Variants in VTI1A observed in about 807,000 individuals in gnomAD.
The protein encoded by VTI1A is vesicle transport through interaction with t-SNAREs homolog 1A.
VTI1A carries 22 observed loss-of-function variants against 34.9 expected under a neutral mutation model. That is an observed-to-expected ratio of 0.63 (90% confidence interval 0.45 to 0.90). The LOEUF (loss-of-function observed/expected upper bound fraction) is 0.90. Ranked by LOEUF, VTI1A falls within the 40% of genes least tolerant of loss-of-function variation. The pLI, the probability that VTI1A is intolerant of heterozygous loss-of-function variation, is 0.00. For missense variants in VTI1A, 268 were observed against 275.6 expected (o/e 0.97, Z 0.20); for synonymous variants, 87 against 97.3 (o/e 0.89, Z 0.62).
chr10:112,518,611 A>ATGTGTG (rs1365789222), intron 3 of VTI1A, among the ~76,000 whole-genome samples: 28 of 134,208 alleles, frequency 2.1e-4, no homozygotes, highest in African/African-American at 6.9e-4. Flanking sequence ...ATATATATAT[A>ATGTGTG]TGTGTGTGTG....
intron 7 of VTI1A, among the ~76,000 whole-genome samples, chr10:112,697,887 T>TGC (rs1848853553): frequency 6.6e-6 from 1 of 151,792 alleles, no homozygotes; most frequent in African/African-American, 2.4e-5. Flanking sequence ...TGTGTGTGTG[T>TGC]GTGTGTGTGT....
At chr10:112,813,048 A>G (rs559417721) in intron 7 of VTI1A, among the ~76,000 whole-genome samples, 2 of 152,272 alleles carry the variant, frequency 1.3e-5, no homozygotes, top group Admixed American at 6.5e-5. Context: ...CCTGTGTGCA[A>G]CGCGACTGTG....
At chr10:112,618,657 T>A (rs1423734158) in intron 5 of VTI1A, among the ~76,000 whole-genome samples, 4 of 151,496 alleles carry the variant, frequency 2.6e-5, no homozygotes, top group Non-Finnish European at 4.4e-5. Flanking sequence ...AGATGACTTT[T>A]GAGCCTGACC....
chr10:112,592,941 T>C (rs1037372427), intron 5 of VTI1A, among the ~76,000 whole-genome samples: 1 of 152,202 alleles, frequency 6.6e-6, no homozygotes, highest in Non-Finnish European at 1.5e-5. Flanking sequence ...GGAGCGTTTA[T>C]TGAATGCAGG....
At chr10:112,828,320 G>A in the VTI1A span, among the ~76,000 whole-genome samples, 3 of 151,892 alleles carry the variant, frequency 2.0e-5, no homozygotes, top group Admixed American at 6.6e-5. Flanking sequence ...GTTAGCGCAC[G>A]GTATGTGGAA....
intron 5 of VTI1A, among the ~76,000 whole-genome samples, chr10:112,543,234 A>G (rs1205249600): frequency 6.6e-6 from 1 of 152,140 alleles, no homozygotes; most frequent in Non-Finnish European, 1.5e-5. Context: ...CTAGTTCTAG[A>G]TCCTTGAGGA....
the VTI1A span, among the ~76,000 whole-genome samples, chr10:112,846,629 G>A: frequency 2.0e-5 from 3 of 152,142 alleles, no homozygotes; most frequent in African/African-American, 7.2e-5. Flanking sequence ...AGCTGGACAT[G>A]GTGGCGGGCA....
At chr10:112,550,489 T>C (rs1851308776) in intron 5 of VTI1A, among the ~76,000 whole-genome samples, 1 of 152,232 alleles carries the variant, frequency 6.6e-6, no homozygotes, top group Admixed American at 6.5e-5. Flanking sequence ...TTGATGGGCA[T>C]GAGCTTTAAA....
At chr10:112,708,148 T>C (rs1282945875) in intron 7 of VTI1A, among the ~76,000 whole-genome samples, 2 of 152,230 alleles carry the variant, frequency 1.3e-5, no homozygotes, top group Non-Finnish European at 2.9e-5. Context: ...GGGCCTGTCC[T>C]TCCACTGTGC....
At chr10:112,544,896 C>T (rs150735019) in intron 5 of VTI1A, among the ~76,000 whole-genome samples, 1 of 152,216 alleles carries the variant, frequency 6.6e-6, no homozygotes, top group African/African-American at 2.4e-5. Context: ...TCAAGTGGGG[C>T]AAGTTGTGTG....
At chr10:112,701,393 C>T (rs1590087961) in intron 7 of VTI1A, among the ~76,000 whole-genome samples, 1 of 152,294 alleles carries the variant, frequency 6.6e-6, no homozygotes, top group Admixed American at 6.5e-5. Context: ...TAGGGGGGCT[C>T]TTCATTCTGT....
chr10:112,785,609 G>A (rs1231688655), intron 7 of VTI1A, among the ~76,000 whole-genome samples: 1 of 151,994 alleles, frequency 6.6e-6, no homozygotes, highest in Non-Finnish European at 1.5e-5. Context: ...TTACTTCTAT[G>A]TTTTCTTCTA....
At chr10:112,491,210 G>T (rs996295427) in intron 3 of VTI1A, among the ~76,000 whole-genome samples, 1 of 152,214 alleles carries the variant, frequency 6.6e-6, no homozygotes, top group Non-Finnish European at 1.5e-5. Flanking sequence ...TTCAGTACCA[G>T]TTGATTAAAT....
chr10:112,753,744 T>A lies in VTI1A; in HGVS notation c.561-61546T>A, dbSNP rs1384181858. Among the ~76,000 whole-genome samples, 4 of 152,218 alleles carry A rather than the reference T, an allele frequency of 2.6e-5. No individual in the cohort carries two copies. In the South Asian group the frequency reaches 8.3e-4, roughly 31 times the overall value. On this transcript the variant is annotated intron_variant, in intron 7 of 7. Coordinates refer to ENST00000393077, the MANE Select transcript of VTI1A (RefSeq NM_145206.4). ...AGGAGCAGAGTATGATTATTTTTCG[T>A]GAATATATTCATATGAAAAGAATTT... is the stretch of plus-strand genomic sequence containing the variant.
At chr10:112,494,609 A>G (rs1214799411) in intron 3 of VTI1A, among the ~76,000 whole-genome samples, 1 of 152,076 alleles carries the variant, frequency 6.6e-6, no homozygotes, top group East Asian at 1.9e-4. Context: ...CCCAGGTTCA[A>G]GTGATTCTCC....
intron 3 of VTI1A, among the ~76,000 whole-genome samples, chr10:112,510,772 T>G (rs1198439893): frequency 6.6e-6 from 1 of 152,228 alleles, no homozygotes; most frequent in African/African-American, 2.4e-5. Context: ...TTTGAACTTC[T>G]CTGACCATGG....
At chr10:112,819,439 G>A (rs1235532410), downstream of VTI1A, among the ~76,000 whole-genome samples, 5 of 152,104 alleles carry the variant, frequency 3.3e-5, no homozygotes, top group African/African-American at 9.7e-5. Flanking sequence ...CTTCCCCTTT[G>A]GCTGGGTGTG....
chr10:112,461,582 A>G (rs1019225393), intron 2 of VTI1A, among the ~76,000 whole-genome samples: 1 of 152,210 alleles, frequency 6.6e-6, no homozygotes, highest in Non-Finnish European at 1.5e-5. Flanking sequence ...ACTTTTTTAT[A>G]TAAATACATC....
chr10:112,853,904 G>T, the VTI1A span, among the ~76,000 whole-genome samples: 1 of 152,284 alleles, frequency 6.6e-6, no homozygotes, highest in Non-Finnish European at 1.5e-5. Flanking sequence ...TACGTAGGAA[G>T]AGCCTTGGCT....
Sources: allele counts gnomAD v4.1 joint callset (sites outside exome capture counted in the v4.1 genomes callset), GRCh38; gene constraint gnomAD v4.1.1; transcripts MANE v1.5; gene names NCBI Gene and HGNC (gene_info 2026-07-23, HGNC 2026-07-21).